Variants in MDGA2 observed in about 807,000 individuals in gnomAD.
MDGA2 encodes MAM domain-containing glycosylphosphatidylinositol anchor protein 2.
In MDGA2, 40 loss-of-function variants were observed where a neutral mutation model predicts 117.8. The ratio of observed to expected loss-of-function variants is 0.34; its 90% CI spans 0.26 to 0.44. The LOEUF is 0.44. Ranked by LOEUF, MDGA2 falls within the 20% of genes least tolerant of loss-of-function variation. The probability of loss-of-function intolerance (pLI) is 1.00; values close to 1 mark genes in which losing one functional copy is unlikely to be tolerated. For missense variants in MDGA2, 1,123 were observed against 1,250.6 expected (o/e 0.90, Z 1.54); for synonymous variants, 452 against 439.0 (o/e 1.03, Z -0.37).
At chr14:47,112,597 T>C (rs1881102857) in intron 5 of MDGA2, among the ~76,000 whole-genome samples, 1 of 152,234 alleles carries the variant, frequency 6.6e-6, no homozygotes. Context: ...CTGCATAGTA[T>C]TCCATGGTAT....
intron 5 of MDGA2, among the ~76,000 whole-genome samples, chr14:47,107,987 C>T (rs11846467): frequency 6.9e-6 from 1 of 145,504 alleles, no homozygotes; most frequent in Admixed American, 6.9e-5. Flanking sequence ...GATAACAGAC[C>T]AGCCTTTATT....
chr14:47,215,908 G>T (rs2139502281), intron 3 of MDGA2, among the ~76,000 whole-genome samples: 1 of 152,250 alleles, frequency 6.6e-6, no homozygotes, highest in East Asian at 1.9e-4. Context: ...AGTCGAGGTT[G>T]CATGAGAAAA....
chr14:47,010,433 CTGGTTAACATA>C (rs1319515669), intron 8 of MDGA2, among the ~76,000 whole-genome samples: 2 of 151,942 alleles, frequency 1.3e-5, no homozygotes, highest in Non-Finnish European at 2.9e-5. Flanking sequence ...GTGGACTTAC[CTGGTTAACATA>C]TGGGTACCTT....
At chr14:46,936,600 T>C (rs1595055640) in intron 9 of MDGA2, among the ~76,000 whole-genome samples, 2 of 152,188 alleles carry the variant, frequency 1.3e-5, no homozygotes, top group South Asian at 2.1e-4. Flanking sequence ...ACTGAAGGAC[T>C]TTTCTCTTCC....
rs199977628 is a variant in MDGA2, at chr14:47,632,762, A to AG, written c.280+41754dup. 2.3e-3 allele frequency among the ~76,000 whole-genome samples: 335 copies of AG among 147,338 alleles called. 1 individual carries two copies. The highest frequency in any genetic ancestry group is 7.3e-3 in the African/African-American group (287 of 39,238). On this transcript the variant is annotated intron_variant, in intron 1 of 16. Coordinates refer to ENST00000399232, the MANE Select transcript of MDGA2 (RefSeq NM_001113498.3). ...AGTTTCTTTTCTTTCTTTTTTTTTG[A>AG]GGGGGGGGCTCTTCCTTTCCTTCCT...
At chr14:46,905,020 A>C (rs1298257522) in intron 10 of MDGA2, among the ~76,000 whole-genome samples, 1 of 152,208 alleles carries the variant, frequency 6.6e-6, no homozygotes, top group East Asian at 1.9e-4. Flanking sequence ...TAAAACAGAA[A>C]TAATGGAACA....
intron 1 of MDGA2, among the ~76,000 whole-genome samples, chr14:47,517,715 G>T (rs1218856933): frequency 3.3e-5 from 5 of 152,058 alleles, no homozygotes; most frequent in African/African-American, 1.2e-4. Context: ...AGGCTAGAGT[G>T]AACTGACATT....
chr14:47,666,499 C>T (rs72491142), intron 1 of MDGA2, among the ~76,000 whole-genome samples: 1 of 152,194 alleles, frequency 6.6e-6, no homozygotes, highest in Non-Finnish European at 1.5e-5. Flanking sequence ...CACTCTGTAT[C>T]TAGCTAATCT....
chr14:47,617,104 A>T (rs1896960227), intron 1 of MDGA2, among the ~76,000 whole-genome samples: 1 of 152,208 alleles, frequency 6.6e-6, no homozygotes, highest in East Asian at 1.9e-4. Context: ...TTCAACTCAT[A>T]TGCCTACAAA....
chr14:47,585,041 A>C (rs1165726182), intron 1 of MDGA2, among the ~76,000 whole-genome samples: 1 of 152,004 alleles, frequency 6.6e-6, no homozygotes, highest in African/African-American at 2.4e-5. Flanking sequence ...TATCAACTTA[A>C]GTTGTAATGC....
chr14:47,671,171 C>A (rs1282350421), intron 1 of MDGA2, among the ~76,000 whole-genome samples: 1 of 152,078 alleles, frequency 6.6e-6, no homozygotes, highest in Non-Finnish European at 1.5e-5. Context: ...CTCCCTCATC[C>A]AACTGTGACA....
At chr14:46,891,149 A>G (rs538999456) in intron 10 of MDGA2, among the ~76,000 whole-genome samples, 1 of 152,146 alleles carries the variant, frequency 6.6e-6, no homozygotes, top group South Asian at 2.1e-4. Flanking sequence ...ATATGTGAGA[A>G]TATTTAAAAT....
At position 47,312,471 on chromosome 14, in the gene MDGA2, T is replaced by C. The variant is rs1325474190; in HGVS notation, c.281-10921A>G. Among the ~76,000 whole-genome samples, 4 of 152,110 alleles carry C rather than the reference T, an allele frequency of 2.6e-5. No individual in the cohort carries two copies. In the East Asian group the frequency reaches 7.7e-4, roughly 29 times the overall value. On this transcript the variant is annotated intron_variant, in intron 1 of 16. Transcript: ENST00000399232. Reference sequence around the variant, plus strand: ...ATTAATAAACACCTCTTCTAAGAAGTGTCATTAATAATGTTAGAGTTTGTT... The same window carrying C: ...ATTAATAAACACCTCTTCTAAGAAGCGTCATTAATAATGTTAGAGTTTGTT...
chr14:46,896,643 A>G (rs1417758455), intron 10 of MDGA2, among the ~76,000 whole-genome samples: 1 of 152,064 alleles, frequency 6.6e-6, no homozygotes, highest in Non-Finnish European at 1.5e-5. Context: ...AACATATTCA[A>G]ATATAATTTA....
chr14:47,366,848 T>C (rs974423679), intron 1 of MDGA2, among the ~76,000 whole-genome samples: 2 of 115,978 alleles, frequency 1.7e-5, no homozygotes, highest in African/African-American at 6.8e-5. Flanking sequence ...ACCTTAAAGA[T>C]TATGTTTGAT....
Position 47,231,126 on chromosome 14 carries a change from A to C in MDGA2, c.421-12931T>G, listed in dbSNP as rs543222721. Among the ~76,000 whole-genome samples the C allele has an allele frequency of 7.2e-5, 11 of 152,180 alleles. No homozygotes were observed. In the East Asian group the frequency reaches 1.9e-3, roughly 27 times the overall value. On this transcript the variant is annotated intron_variant, in intron 2 of 16. Coordinates refer to ENST00000399232, the MANE Select transcript of MDGA2 (RefSeq NM_001113498.3). ...GATGACTAAATTGAGATTCAAAAAT[A>C]TTAACTAACTTTCCTACTACTGCAC...
intron 4 of MDGA2, 73 bp downstream of exon 4, chr14:47,144,005 A>G: frequency 8.9e-7 from 1 of 1,125,696 alleles, no homozygotes. Context: ...TCAAATAGCT[A>G]TGAATTCATG....
chr14:47,200,646 C>A, intron 3 of MDGA2: 1 of 1,259,086 alleles, frequency 7.9e-7, no homozygotes, highest in Non-Finnish European at 1.1e-6. Context: ...TTCTTCTCGG[C>A]CTGTTTCCGT....
intron 1 of MDGA2, among the ~76,000 whole-genome samples, chr14:47,612,630 A>T (rs972659865): frequency 3.9e-5 from 6 of 152,130 alleles, no homozygotes; most frequent in Non-Finnish European, 7.4e-5. Context: ...ATGAGAAACT[A>T]TTTGGGTATG....
Sources: allele counts gnomAD v4.1 joint callset (sites outside exome capture counted in the v4.1 genomes callset), GRCh38; gene constraint gnomAD v4.1.1; transcripts MANE v1.5; gene names NCBI Gene and HGNC (gene_info 2026-07-23, HGNC 2026-07-21).